CACNA1A: variants seen among roughly 807,000 people sequenced by gnomAD.
CACNA1A encodes voltage-dependent P/Q-type calcium channel subunit alpha-1A.
A neutral mutation model predicts 262.4 loss-of-function variants in CACNA1A; 57 were observed. That is an observed-to-expected ratio of 0.22 (90% CI 0.18 to 0.27). The LOEUF (loss-of-function observed/expected upper bound fraction) is 0.27, where lower values mean the gene tolerates loss of function less well. Ranked by LOEUF, CACNA1A falls within the 10% of genes least tolerant of loss-of-function variation. The pLI is 1.00. For synonymous variants in CACNA1A, 1,431 were observed against 1,419.3 expected (o/e 1.01, Z -0.18); for missense variants, 2,526 against 3,562.8 (o/e 0.71, Z 7.41).
At chr19:13,473,837 C>A (rs551715666) in intron 1 of CACNA1A, among the ~76,000 whole-genome samples, 18 of 151,694 alleles carry the variant, frequency 1.2e-4, no homozygotes, top group African/African-American at 4.1e-4. Context: ...CAGCGGCAGT[C>A]CTTCTTGCAT....
chr19:13,505,873 G>A (rs1982973863), intron 1 of CACNA1A, 59 bp downstream of exon 1: 1 of 1,532,880 alleles, frequency 6.5e-7, no homozygotes, highest in Non-Finnish European at 8.9e-7. Flanking sequence ...CCTGGAAGAG[G>A]GGAGGCGGAG....
chr19:13,298,415 C>T lies in CACNA1A; in HGVS notation c.3089+129G>A, dbSNP rs1004283377. 5 of 876,746 alleles carry T rather than the reference C, an allele frequency of 5.7e-6. No homozygotes were observed. In the African/African-American group the frequency reaches 7.1e-5, roughly 12 times the overall value. The allele number at this position is 876,746 out of a possible 1,614,324, so 54.3% of individuals were successfully genotyped here. A position where few individuals can be genotyped will look rare whatever the true frequency, so the allele number is the denominator to read the frequency against. ...AAGTGCTGGGATTACAGGCGTGAGCCACTGCGCCTGGCCAAATACAGCATT... is the reference window on the plus strand; with the variant it reads ...AAGTGCTGGGATTACAGGCGTGAGCTACTGCGCCTGGCCAAATACAGCATT... On this transcript the variant is annotated intron_variant, in intron 19 of 46. Transcript: ENST00000360228.
chr19:13,389,178 C>T (rs1484675672), intron 3 of CACNA1A, among the ~76,000 whole-genome samples: 3 of 152,202 alleles, frequency 2.0e-5, no homozygotes, highest in Non-Finnish European at 4.4e-5. Flanking sequence ...GCTGGGATGA[C>T]ACGCATGAGC....
In CACNA1A at chr19:13,390,948, G is replaced by A. The variant is rs368089564; in HGVS notation, c.540-19169C>T. 3.3e-4 allele frequency among the ~76,000 whole-genome samples: 50 copies of A among 151,986 alleles called. 1 individual carries two copies. The highest frequency in any genetic ancestry group is 1.2e-3 in the African/African-American group (49 of 41,472). Reference sequence around the variant, plus strand: ...TGTCGCTAGACTGGAGTGCAGTGGCGTGATTTCAGCTCACTGCAACCTCCA... The same window carrying A: ...TGTCGCTAGACTGGAGTGCAGTGGCATGATTTCAGCTCACTGCAACCTCCA... On this transcript the variant is annotated intron_variant, in intron 3 of 46. Coordinates refer to ENST00000360228, the MANE Select transcript of CACNA1A (RefSeq NM_001127222.2).
Position 13,415,291 on chromosome 19 carries a change from C to T in CACNA1A, c.539+37585G>A, listed in dbSNP as rs114493025. Among the ~76,000 whole-genome samples, 267 of 152,040 alleles carry T rather than the reference C, an allele frequency of 1.8e-3. 1 individual carries two copies. Among genetic ancestry groups the T allele is most frequent in the African/African-American group, 6.3e-3 (260 of 41,474 alleles). Reference sequence around the variant, plus strand: ...AACGTGCGGAAGGAAGGGAGATAGACGCAATCCCTGCATATTTTTCTCAGC... The same window carrying T: ...AACGTGCGGAAGGAAGGGAGATAGATGCAATCCCTGCATATTTTTCTCAGC... On this transcript the variant is annotated intron_variant, in intron 3 of 46. Transcript: ENST00000360228.
At position 13,312,732 on chromosome 19, in the gene CACNA1A, T is replaced by C. The variant is rs1225327012; in HGVS notation, c.1605A>G (p.Ile535Met). 5 of 1,595,674 alleles carry C rather than the reference T, an allele frequency of 3.1e-6. No homozygotes were observed. In the East Asian group the frequency reaches 1.2e-4, roughly 37 times the overall value. The change falls in exon 12 of 47, where the codon ATA becomes ATG. Residue 535 changes from isoleucine (I) to methionine (M), a missense_variant. Transcript: ENST00000360228. ...FLGLFMSEMF[I>M]KMYGLGTRPY... ...GCCGCGTCCCAAGCCCGTACATTTT[T>C]ATAAACATTTCGGACATAAAGAGTC...
intron 2 of CACNA1A, among the ~76,000 whole-genome samples, chr19:13,454,779 C>T (rs762497783): frequency 6.6e-6 from 1 of 151,976 alleles, no homozygotes; most frequent in African/African-American, 2.4e-5. Context: ...CTAGTGAGAT[C>T]CCCATCTCTA....
At position 13,207,785 on chromosome 19, in the gene CACNA1A, G is replaced by A; in HGVS notation, c.7049C>T (p.Ala2350Val). Residue 2350 changes from alanine to valine, a missense_variant, in exon 47 of 47, where the codon GCC becomes GTC. Coordinates refer to ENST00000360228, the MANE Select transcript of CACNA1A (RefSeq NM_001127222.2). The surrounding 1 kb of genome is among the most constrained non-coding windows in gnomAD (Gnocchi z 5.7). ...RYPGPTAEPL[A>V]GDRPPTGGHS... ...GCCCCCCGTGGGCGGCCGATCTCCG[G>A]CCAGAGGCTCGGCCGTGGGGCCTGG... 1.4e-6 allele frequency: 2 copies of A among 1,395,210 alleles called. No individual in the cohort carries two copies. The highest frequency in any genetic ancestry group is 1.8e-6 in the Non-Finnish European group (2 of 1,082,888). The allele number at this position is 1,395,210 out of a possible 1,614,324, so 86.4% of individuals were successfully genotyped here. A position where few individuals can be genotyped will look rare whatever the true frequency, so the allele number is the denominator to read the frequency against.
chr19:13,374,951 G>T (rs1042648704), intron 3 of CACNA1A, among the ~76,000 whole-genome samples: 1 of 152,146 alleles, frequency 6.6e-6, no homozygotes, highest in Non-Finnish European at 1.5e-5. Flanking sequence ...GATTATGGAC[G>T]TGAGCCACCA....
chr19:13,498,876 T>C (rs1051235466), intron 1 of CACNA1A, among the ~76,000 whole-genome samples: 3 of 152,114 alleles, frequency 2.0e-5, no homozygotes, highest in African/African-American at 7.2e-5. Flanking sequence ...TTTCCAGAGA[T>C]GCTAAACCCA....
At chr19:13,209,218 C>G (rs2054708903) in intron 45 of CACNA1A, 94 bp downstream of exon 45, 1 of 1,392,428 alleles carries the variant, frequency 7.2e-7, no homozygotes, top group Non-Finnish European at 9.5e-7. Flanking sequence ...AGGCCTCTCC[C>G]TTTCTTCTTC....
Position 13,417,156 on chromosome 19 carries a change from G to C in CACNA1A, c.539+35720C>G, listed in dbSNP as rs1373732275. Among the ~76,000 whole-genome samples, 7 of 152,280 alleles carry C rather than the reference G, an allele frequency of 4.6e-5. No homozygotes were observed. The East Asian group carries it at 9.7e-4, about 21-fold the overall frequency. The stretch of plus-strand genomic sequence containing the variant: ...CAGGAGGTGGCAGCCACTCGTCCAG[G>C]TCAGAAAGCGACTGCCAAGAACTCA... On this transcript the variant is annotated intron_variant, in intron 3 of 46. Transcript: ENST00000360228.
chr19:13,413,923 GAAAGAAAGAAAGAAAGAA>G (rs2060174573), intron 3 of CACNA1A, among the ~76,000 whole-genome samples: 1 of 135,744 alleles, frequency 7.4e-6, no homozygotes. Flanking sequence ...AAGAAAGAAA[GAAAGAAAGAAAGAAAGAA>G]AGAAAAGGAA....
rs1357080533 is a variant in CACNA1A, at chr19:13,463,037, A to G, written c.294-7825T>C. On this transcript the variant is annotated intron_variant, in intron 1 of 46. Transcript: ENST00000360228. ...TGGCCTTTCAAAGTGCTGGGATTAC[A>G]GGTATGAGCCACTGTGCCCAGCCCA... Among the ~76,000 whole-genome samples the G allele has an allele frequency of 2.6e-5, 4 of 152,072 alleles. No individual in the cohort carries two copies. The East Asian group carries it at 7.7e-4, about 29-fold the overall frequency.
chr19:13,470,926 T>G (rs185742898), intron 1 of CACNA1A, among the ~76,000 whole-genome samples: 1 of 152,306 alleles, frequency 6.6e-6, no homozygotes, highest in Non-Finnish European at 1.5e-5. Flanking sequence ...TGCCACAGAT[T>G]GGGTGGCTTA....
At chr19:13,396,857 T>C (rs1423102813) in intron 3 of CACNA1A, among the ~76,000 whole-genome samples, 2 of 152,298 alleles carry the variant, frequency 1.3e-5, no homozygotes, top group African/African-American at 4.8e-5. Flanking sequence ...GGGGAAGCGC[T>C]GGCAGAAGAT....
intron 8 of CACNA1A, among the ~76,000 whole-genome samples, chr19:13,333,307 T>C (rs755968941): frequency 1.3e-5 from 2 of 152,190 alleles, no homozygotes; most frequent in Admixed American, 1.3e-4. Flanking sequence ...TTGCACTTGC[T>C]GTCTCTGCCT....
intron 1 of CACNA1A, among the ~76,000 whole-genome samples, chr19:13,469,982 C>T (rs1432992418): frequency 3.3e-5 from 5 of 152,056 alleles, no homozygotes; most frequent in African/African-American, 7.2e-5. Context: ...CTTCCCCATA[C>T]CTGGGCAGTG....
intron 31 of CACNA1A, among the ~76,000 whole-genome samples, chr19:13,240,679 AGT>A (rs1203205772): frequency 1.4e-5 from 2 of 144,504 alleles, no homozygotes; most frequent in Non-Finnish European, 3.0e-5. Context: ...CTGTGTGTGC[AGT>A]GTCTGTGTGC....
Sources: allele counts gnomAD v4.1 joint callset (sites outside exome capture counted in the v4.1 genomes callset), GRCh38; gene constraint gnomAD v4.1.1; non-coding constraint Gnocchi (gnomAD v3.1); transcripts MANE v1.5; gene names NCBI Gene and HGNC (gene_info 2026-07-23, HGNC 2026-07-21).